The following PDE4A variants were observed in gnomAD, a reference collection of about 807,000 sequenced individuals.
The protein encoded by PDE4A is 3',5'-cyclic-AMP phosphodiesterase 4A.
A neutral mutation model predicts 73.9 loss-of-function variants in PDE4A; 21 were observed. The observed-to-expected ratio is 0.28, with a 90% CI of 0.20 to 0.41. PDE4A has a LOEUF of 0.41. PDE4A is among the 10% of genes least tolerant of loss of function. The probability of loss-of-function intolerance (pLI) is 1.00; values close to 1 mark genes in which losing one functional copy is unlikely to be tolerated. For missense variants in PDE4A, 958 were observed against 1,211.4 expected, an observed-to-expected ratio of 0.79 and a Z score of 3.10; for synonymous variants, 463 against 505.4, an observed-to-expected ratio of 0.92 and a Z score of 1.13.
At chr19:10,444,207 C>A (rs2042973878) in intron 1 of PDE4A, among the ~76,000 whole-genome samples, 1 of 151,444 alleles carries the variant, frequency 6.6e-6, no homozygotes, top group Non-Finnish European at 1.5e-5. Context: ...ATGGAGAAAC[C>A]CCATCTCTAC....
intron 13 of PDE4A, 145 bp from the exon 14 acceptor site, chr19:10,463,648 G>A (rs573091871): frequency 1.0e-4 from 141 of 1,411,010 alleles, no homozygotes; most frequent in South Asian, 1.8e-4. Context: ...TGATCCACCC[G>A]CCTCAGCATC....
At chr19:10,425,347 C>A (rs1187809289) in intron 1 of PDE4A, among the ~76,000 whole-genome samples, 1 of 152,204 alleles carries the variant, frequency 6.6e-6, no homozygotes, top group Non-Finnish European at 1.5e-5. Flanking sequence ...CCTCTCGGAG[C>A]CTCAGTTTCC....
chr19:10,432,318 G>A, intron 1 of PDE4A: 1 of 1,244,602 alleles, frequency 8.0e-7, no homozygotes, highest in Non-Finnish European at 1.0e-6. Context: ...GGTCACCAGA[G>A]GCGTGGAGGC....
In PDE4A at chr19:10,420,960, G is replaced by C. The variant is rs1364539180; in HGVS notation, c.196G>C (p.Glu66Gln). 5.1e-6 allele frequency: 8 copies of C among 1,557,118 alleles called. No homozygotes were observed. Among genetic ancestry groups the C allele is most frequent in the South Asian group, 2.3e-5 (2 of 85,630 alleles). ...GGAGCGGCAGCCGCACCGGCCCATA[G>C]AGCGCGCCGATGCCATGGACACCAG... ...ERERQPHRPI[E>Q]RADAMDTSDR... is the part of the protein sequence containing the mutation. Residue 66 changes from glutamate to glutamine, a missense_variant, in exon 1 of 15, where the codon GAG becomes CAG. By Grantham distance (29) the Glu-to-Gln change is conservative. This residue lies in a region of PDE4A where 145 missense variants were observed against 137.8 expected (regional missense o/e 1.05). Transcript: ENST00000380702. The surrounding 1 kb of genome is among the most constrained non-coding windows in gnomAD (Gnocchi z 6.0).
chr19:10,419,510 G>T (rs1470415912), upstream of PDE4A: 1 of 152,292 alleles, frequency 6.6e-6, no homozygotes, highest in Non-Finnish European at 1.5e-5. Context: ...ACCTTCCTCA[G>T]TTTACCTCTG....
intron 1 of PDE4A, among the ~76,000 whole-genome samples, chr19:10,438,414 A>G (rs923125486): frequency 4.0e-5 from 6 of 151,584 alleles, no homozygotes; most frequent in African/African-American, 1.5e-4. Flanking sequence ...CCTGGCCAGG[A>G]CTTTTTAATG....
chr19:10,417,807 A>G, upstream of PDE4A: 1 of 1,556,134 alleles, frequency 6.4e-7, no homozygotes, highest in Non-Finnish European at 8.6e-7. Flanking sequence ...GCCACGGCCC[A>G]CCACCCTGCC....
intron 12 of PDE4A, 84 bp downstream of exon 12, chr19:10,461,764 G>A: frequency 1.3e-6 from 2 of 1,587,468 alleles, no homozygotes; most frequent in Admixed American, 1.7e-5. Context: ...GAGTCCCAGA[G>A]GAACCCTCAA....
At chr19:10,449,863 G>A (rs1347171431) in intron 4 of PDE4A, among the ~76,000 whole-genome samples, 2 of 151,938 alleles carry the variant, frequency 1.3e-5, no homozygotes, top group Non-Finnish European at 2.9e-5. Context: ...GGGAGGCCAA[G>A]GCAGGAGGTC....
At chr19:10,421,939 G>A (rs980565081) in intron 1 of PDE4A, among the ~76,000 whole-genome samples, 1 of 152,144 alleles carries the variant, frequency 6.6e-6, no homozygotes, top group African/African-American at 2.4e-5. Context: ...ATGGTGACAC[G>A]ATGACTCTGT....
chr19:10,463,958 T>A lies in PDE4A; in HGVS notation c.1909T>A (p.Ser637Thr). ...ISPMCDKHTA[S>T]VEKSQVGFID... Reference sequence around the variant, plus strand: ...CCCCATGTGTGACAAGCACACTGCCTCCGTGGAGAAGTCTCAGGTACAGGC... The same window carrying A: ...CCCCATGTGTGACAAGCACACTGCCACCGTGGAGAAGTCTCAGGTACAGGC... The change falls in exon 14 of 15, where the codon TCC (serine) becomes ACC (threonine). Residue 637 changes from serine to threonine, a missense_variant. Physicochemically the swap from Ser to Thr is moderately conservative, Grantham distance 58. Transcript: ENST00000380702. 6.2e-7 allele frequency: 1 copy of A among 1,614,072 alleles called. No individual in the cohort carries two copies. Among genetic ancestry groups the A allele is most frequent in the Non-Finnish European group, 8.5e-7 (1 of 1,179,982 alleles).
At position 10,420,884 on chromosome 19, in the gene PDE4A, C is replaced by T; in HGVS notation, c.120C>T (p.Pro40=). 10 of 1,589,858 alleles carry T rather than the reference C, an allele frequency of 6.3e-6. No homozygotes were observed. The highest frequency in any genetic ancestry group is 7.7e-6 in the Non-Finnish European group (9 of 1,176,168). Reference sequence around the variant, plus strand: ...ACCTGTGGCGGCAGCCTCGGACCCCCATCCGTATCCAGCAGCGCGGCTACT... The same window carrying T: ...ACCTGTGGCGGCAGCCTCGGACCCCTATCCGTATCCAGCAGCGCGGCTACT... ...PQHLWRQPRT[P]IRIQQRGYSD... The change falls in exon 1 of 15, where the codon CCC becomes CCT. Residue 40 remains proline (P), a synonymous_variant. Transcript: ENST00000380702. This position sits in a 1 kb window ranked among gnomAD's most constrained non-coding sequence, Gnocchi z 6.0.
chr19:10,417,835 G>T (rs866249830), upstream of PDE4A: 1 of 1,559,298 alleles, frequency 6.4e-7, no homozygotes, highest in South Asian at 1.2e-5. Context: ...ATCCCACCGC[G>T]GATTTCCATC....
At position 10,459,742 on chromosome 19, in the gene PDE4A, G is replaced by A; in HGVS notation, c.1348G>A (p.Ala450Thr). ...DVLQSTHVLL[A>T]TPALDAVFTD... is the part of the protein sequence containing the mutation. ...GCTGCAGTCCACCCACGTACTGCTGGCCACGCCTGCACTAGATGTGAGTGA... is the reference window on the plus strand; with the variant it reads ...GCTGCAGTCCACCCACGTACTGCTGACCACGCCTGCACTAGATGTGAGTGA... The change falls in exon 10 of 15, where the codon GCC (alanine) becomes ACC (threonine). Residue 450 changes from alanine to threonine, a missense_variant. Physicochemically the swap from Ala to Thr is moderately conservative, Grantham distance 58. Coordinates refer to ENST00000380702, the MANE Select transcript of PDE4A (RefSeq NM_001111307.2). 1 of 1,611,888 alleles carries A rather than the reference G, an allele frequency of 6.2e-7. No homozygotes were observed. The highest frequency in any genetic ancestry group is 8.5e-7 in the Non-Finnish European group (1 of 1,178,612).
intron 1 of PDE4A, among the ~76,000 whole-genome samples, chr19:10,443,773 G>C (rs1262719323): frequency 6.6e-6 from 1 of 151,996 alleles, no homozygotes; most frequent in African/African-American, 2.4e-5. Context: ...TTGGGAGGCC[G>C]AGGTGGGTGG....
At chr19:10,429,292 A>AAG (rs112947570) in intron 1 of PDE4A, among the ~76,000 whole-genome samples, 62,466 of 150,610 alleles carry the variant, frequency 0.41, 13,211 homozygotes, top group East Asian at 0.56. Context: ...GAAAGAAAGA[A>AAG]AGAAAGAAAG....
intron 10 of PDE4A, 44 bp downstream of exon 10, chr19:10,459,803 G>A (rs199990958): frequency 6.4e-7 from 1 of 1,560,092 alleles, no homozygotes; most frequent in African/African-American, 1.4e-5. Context: ...CTCTCTTTGT[G>A]ACTGCCTCTT....
intron 4 of PDE4A, among the ~76,000 whole-genome samples, chr19:10,450,031 G>A (rs773471736): frequency 6.6e-6 from 1 of 152,176 alleles, no homozygotes; most frequent in African/African-American, 2.4e-5. Context: ...AGGAGGTTGA[G>A]GCTGCAGTGA....
intron 1 of PDE4A, among the ~76,000 whole-genome samples, chr19:10,441,696 T>TA (rs1486963581): frequency 1.4e-5 from 2 of 144,148 alleles, no homozygotes; most frequent in African/African-American, 5.2e-5. Flanking sequence ...TTTTTTTTTT[T>TA]TTTTTTTTTT....
Sources: allele counts gnomAD v4.1 joint callset (sites outside exome capture counted in the v4.1 genomes callset), GRCh38; gene constraint gnomAD v4.1.1; regional missense constraint gnomAD v4.1.1; non-coding constraint Gnocchi (gnomAD v3.1); transcripts MANE v1.5; gene names NCBI Gene and HGNC (gene_info 2026-07-23, HGNC 2026-07-21).